Variants in WDPCP observed in about 807,000 individuals in gnomAD.
WDPCP encodes the protein WD repeat-containing and planar cell polarity effector protein fritz homolog.
In WDPCP, 71 loss-of-function variants were observed where a neutral mutation model predicts 93.1. That is an observed-to-expected ratio of 0.76 (90% CI 0.63 to 0.93). WDPCP has a LOEUF of 0.93. Ranked by LOEUF, WDPCP falls within the 40% of genes least tolerant of loss-of-function variation. The pLI is 0.00. For missense variants in WDPCP, 844 were observed against 887.4 expected (o/e 0.95, Z 0.62); for synonymous variants, 315 against 315.0 (o/e 1.00, Z 0.00).
chr2:63,139,907 T>C (rs540941112), intron 17 of WDPCP, among the ~76,000 whole-genome samples: 90 of 152,066 alleles, frequency 5.9e-4, no homozygotes, highest in Middle Eastern at 3.4e-3. Context: ...TCTAGAAGGG[T>C]TTTTCCAATG....
chr2:63,526,055 CTG>C (rs34946446), intron 1 of WDPCP, among the ~76,000 whole-genome samples: 3,124 of 148,054 alleles, frequency 0.021, 80 homozygotes, highest in African/African-American at 0.063. Flanking sequence ...GCTGTTGCTA[CTG>C]TGTGTGTGTG....
chr2:63,542,016 T>C (rs375384515), intron 1 of WDPCP, among the ~76,000 whole-genome samples: 3 of 139,702 alleles, frequency 2.1e-5, no homozygotes, highest in East Asian at 3.8e-4. Flanking sequence ...ACACACACTC[T>C]CTATCAGTTC....
chr2:63,273,823 A>ATG (rs1559270779), intron 13 of WDPCP, among the ~76,000 whole-genome samples: 8 of 143,838 alleles, frequency 5.6e-5, no homozygotes, highest in African/African-American at 2.0e-4. Context: ...ACACACACAC[A>ATG]CACGCACACA....
chr2:63,589,161 CTTTG>C, upstream of WDPCP: 1 of 1,611,504 alleles, frequency 6.2e-7, no homozygotes, highest in Non-Finnish European at 8.5e-7. Context: ...CCTTCGCGCC[CTTTG>C]GCAAGCTCGG....
At chr2:63,261,109 C>A (rs1485612848) in intron 13 of WDPCP, among the ~76,000 whole-genome samples, 1 of 151,386 alleles carries the variant, frequency 6.6e-6, no homozygotes, top group East Asian at 1.9e-4. Flanking sequence ...TTCATTTCAA[C>A]GAGAACATTG....
Position 63,204,964 on chromosome 2 carries a change from G to A in WDPCP, c.1916-30132C>T, listed in dbSNP as rs562717236. On this transcript the variant is annotated intron_variant, in intron 14 of 17. Transcript: ENST00000272321. ...TGGAGCATTTCCCCAATATTTTCTT[G>A]TATTAGTTTGAGGTTGTAGATTTAA... Among the ~76,000 whole-genome samples, 8 of 152,014 alleles carry A rather than the reference G, an allele frequency of 5.3e-5. No homozygotes were observed. The South Asian group carries it at 6.2e-4, about 12-fold the overall frequency.
intron 12 of WDPCP, among the ~76,000 whole-genome samples, chr2:63,320,640 T>C (rs1029157530): frequency 4.6e-5 from 7 of 151,960 alleles, no homozygotes; most frequent in African/African-American, 1.7e-4. Flanking sequence ...TGTAGAACAC[T>C]AAGGATATAA....
intron 1 of WDPCP, among the ~76,000 whole-genome samples, chr2:63,495,286 T>A (rs1372452762): frequency 6.6e-6 from 1 of 152,178 alleles, no homozygotes; most frequent in Non-Finnish European, 1.5e-5. Flanking sequence ...TTCAACTGAG[T>A]ATTATCTTTC....
intron 2 of WDPCP, among the ~76,000 whole-genome samples, chr2:63,680,705 C>T (rs1390275226): frequency 6.6e-6 from 1 of 152,170 alleles, no homozygotes; most frequent in Non-Finnish European, 1.5e-5. Flanking sequence ...GTGACACCAG[C>T]TGGGGTGGCT....
chr2:63,407,590 C>T (rs911824947), intron 9 of WDPCP, among the ~76,000 whole-genome samples: 5 of 152,204 alleles, frequency 3.3e-5, no homozygotes, highest in African/African-American at 1.2e-4. Context: ...TTCACCTACA[C>T]ACTCTGTTTG....
intron 8 of WDPCP, among the ~76,000 whole-genome samples, 198 bp downstream of exon 8, chr2:63,437,223 G>C (rs369894538): frequency 3.2e-4 from 49 of 152,082 alleles, no homozygotes; most frequent in African/African-American, 1.1e-3. Flanking sequence ...GCCATTGTTA[G>C]ACAACCCCCC....
intron 1 of WDPCP, among the ~76,000 whole-genome samples, chr2:63,575,463 A>ACACAGTGTATATACAGTG: frequency 3.4e-5 from 1 of 29,148 alleles, no homozygotes; most frequent in African/African-American, 2.1e-4. Flanking sequence ...TATACAGTAT[A>ACACAGTGTATATACAGTG]TATGCAGTAT....
intron 2 of WDPCP, among the ~76,000 whole-genome samples, chr2:63,783,441 T>C (rs1354220915): frequency 6.6e-6 from 1 of 151,956 alleles, no homozygotes; most frequent in Non-Finnish European, 1.5e-5. Context: ...TTTTAATAAA[T>C]AAATAATCTT....
chr2:63,482,685 A>G (rs1700339224), intron 6 of WDPCP, among the ~76,000 whole-genome samples: 1 of 151,998 alleles, frequency 6.6e-6, no homozygotes, highest in Non-Finnish European at 1.5e-5. Context: ...GAGGTCTCTC[A>G]AAGACTTTAA....
At chr2:63,177,756 T>G (rs976685477) in intron 14 of WDPCP, among the ~76,000 whole-genome samples, 3 of 152,076 alleles carry the variant, frequency 2.0e-5, no homozygotes, top group African/African-American at 7.2e-5. Flanking sequence ...AGTATTATGT[T>G]AAATAGAAGG....
chr2:63,661,569 A>C (rs1355780381), intron 2 of WDPCP, among the ~76,000 whole-genome samples: 1 of 152,222 alleles, frequency 6.6e-6, no homozygotes, highest in East Asian at 1.9e-4. Context: ...TGCTTGAACA[A>C]AACAAAAGGA....
At chr2:63,269,622 A>G (rs922427388) in intron 13 of WDPCP, among the ~76,000 whole-genome samples, 1 of 152,216 alleles carries the variant, frequency 6.6e-6, no homozygotes, top group African/African-American at 2.4e-5. Flanking sequence ...GATAATTATA[A>G]GTACTATAAC....
At chr2:63,246,442 CA>C (rs1323441090) in intron 14 of WDPCP, among the ~76,000 whole-genome samples, 3 of 152,274 alleles carry the variant, frequency 2.0e-5, no homozygotes, top group African/African-American at 7.2e-5. Flanking sequence ...TATTTTCCCC[CA>C]AGTGTGACTT....
chr2:63,326,634 CAGAG>C (rs796100331), intron 12 of WDPCP, among the ~76,000 whole-genome samples: 111 of 149,084 alleles, frequency 7.4e-4, no homozygotes, highest in African/African-American at 2.7e-3. Flanking sequence ...GACAGAGAGA[CAGAG>C]AGAGAGGGAG....
Sources: gnomAD v4.1 joint callset for allele counts (sites outside exome capture counted in the v4.1 genomes callset) on GRCh38, gnomAD v4.1.1 for gene constraint, MANE v1.5 for transcripts, NCBI Gene and HGNC (gene_info 2026-07-23, HGNC 2026-07-21) for gene names.